STIMATE: variants seen among roughly 807,000 people sequenced by gnomAD.
STIMATE encodes the protein STIM activating enhancer, also known as store-operated calcium entry regulator STIMATE.
STIMATE carries 15 observed loss-of-function variants against 36.7 expected under a neutral mutation model. The observed-to-expected ratio is 0.41, with a 90% confidence interval of 0.27 to 0.63. The LOEUF is 0.63. Ranked by LOEUF, STIMATE falls within the 20% of genes least tolerant of loss-of-function variation. The pLI is 0.32. For missense variants in STIMATE, 305 were observed against 397.3 expected, an observed-to-expected ratio of 0.77 and a Z score of 1.98; for synonymous variants, 163 against 162.3, an observed-to-expected ratio of 1.00 and a Z score of -0.03.
intron 4 of STIMATE, among the ~76,000 whole-genome samples, chr3:52,846,752 C>G (rs1211321735): frequency 6.6e-6 from 1 of 152,176 alleles, no homozygotes; most frequent in African/African-American, 2.4e-5. Context: ...CTCTGGGAAC[C>G]CAGATCTCAC....
At chr3:52,859,576 C>T (rs1169023721) in intron 1 of STIMATE, among the ~76,000 whole-genome samples, 5 of 118,396 alleles carry the variant, frequency 4.2e-5, no homozygotes, top group Admixed American at 1.1e-4. Flanking sequence ...GGTATGTACC[C>T]GTAGTCCCAG....
intron 1 of STIMATE, among the ~76,000 whole-genome samples, chr3:52,889,631 C>G (rs1240849506): frequency 6.6e-6 from 1 of 152,162 alleles, no homozygotes; most frequent in Non-Finnish European, 1.5e-5. Flanking sequence ...AATGCCCAAG[C>G]CTGGGTGAGC....
chr3:52,847,687 T>C (rs1047961412), intron 4 of STIMATE: 5 of 574,466 alleles, frequency 8.7e-6, no homozygotes, highest in Admixed American at 2.7e-5. Context: ...CCCACACAGT[T>C]GCCTACATCC....
At chr3:52,875,338 T>C (rs1701485002) in intron 1 of STIMATE, among the ~76,000 whole-genome samples, 1 of 152,214 alleles carries the variant, frequency 6.6e-6, no homozygotes, top group Non-Finnish European at 1.5e-5. Flanking sequence ...CCGTGGAGTC[T>C]GCATTTCTCA....
At chr3:52,890,098 C>T (rs544458471) in intron 1 of STIMATE, among the ~76,000 whole-genome samples, 2 of 152,152 alleles carry the variant, frequency 1.3e-5, no homozygotes, top group African/African-American at 4.8e-5. Context: ...TTCCTCGAGT[C>T]CCCAGGCGGA....
At chr3:52,886,746 T>G (rs1447703959) in intron 1 of STIMATE, among the ~76,000 whole-genome samples, 1 of 152,182 alleles carries the variant, frequency 6.6e-6, no homozygotes. Context: ...AACTTCACAG[T>G]GAGAGAGCTG....
intron 5 of STIMATE, among the ~76,000 whole-genome samples, chr3:52,844,503 T>C (rs1700860105): frequency 1.3e-5 from 2 of 152,136 alleles, no homozygotes; most frequent in Non-Finnish European, 2.9e-5. Context: ...CCAAGAGAGG[T>C]GTGTGACAGG....
At chr3:52,885,966 A>G (rs904333876) in intron 1 of STIMATE, among the ~76,000 whole-genome samples, 8 of 152,158 alleles carry the variant, frequency 5.3e-5, no homozygotes, top group African/African-American at 7.2e-5. Flanking sequence ...GGCAAGTTCT[A>G]TATCTGTTAC....
At position 52,847,569 on chromosome 3, in the gene STIMATE, A is replaced by G. The variant is rs1159992434; in HGVS notation, c.427+2223T>C. ...CTTCTCTTCTAGGAACAAAAGACAC[A>G]TCCTAGAAAAATAAGCCCCTCTTCT... is the stretch of plus-strand genomic sequence containing the variant. On this transcript the variant is annotated intron_variant, in intron 4 of 7. Transcript: ENST00000355083. The G allele has an allele frequency of 7.0e-6, 9 of 1,288,684 alleles. No individual in the cohort carries two copies. The Admixed American group carries it at 2.1e-4, about 30-fold the overall frequency. 79.8% of individuals were successfully genotyped at this position (1,288,684 alleles called of 1,614,324 possible).
chr3:52,860,774 T>C (rs1445238868), intron 1 of STIMATE, among the ~76,000 whole-genome samples: 1 of 152,102 alleles, frequency 6.6e-6, no homozygotes, highest in Non-Finnish European at 1.5e-5. Context: ...CTGCTGACAG[T>C]GGACGTGGGG....
At chr3:52,848,974 T>C (rs773555474) in intron 4 of STIMATE, among the ~76,000 whole-genome samples, 5 of 152,236 alleles carry the variant, frequency 3.3e-5, no homozygotes, top group Non-Finnish European at 7.3e-5. Context: ...GCCAGCTCCA[T>C]GAATTGGCTC....
rs1272548871 is a variant in STIMATE at position 52,855,330 on chromosome 3, C to T, written c.209+66G>A. ...TCCCCACTCCAACACCATACCCCAC[C>T]CCCAGCCCCAAGACCCCCAACATAG... On this transcript the variant is annotated intron_variant, in intron 2 of 7. Transcript: ENST00000355083. 5.8e-6 allele frequency: 9 copies of T among 1,562,398 alleles called. No homozygotes were observed. The African/African-American group carries it at 9.5e-5, about 17-fold the overall frequency.
rs71087029 is a variant in STIMATE at position 52,887,994 on chromosome 3, GTT to G, written c.160+9295_160+9296del. 1.9e-3 allele frequency among the ~76,000 whole-genome samples: 100 copies of G among 52,696 alleles called. 1 individual carries two copies. The highest frequency in any genetic ancestry group is 4.6e-3 in the African/African-American group (66 of 14,284). 34.6% of individuals were successfully genotyped at this position (52,696 alleles called of 152,430 possible). A position where few individuals can be genotyped will look rare whatever the true frequency, so the allele number is the denominator to read the frequency against. On this transcript the variant is annotated intron_variant, in intron 1 of 7. Coordinates refer to ENST00000355083, the MANE Select transcript of STIMATE (RefSeq NM_198563.5). ...GCTCTAACTTCATATAACAGAATCA[GTT>G]TTTTTTTTTTTTTTTTTTTTTTTTT...
At chr3:52,851,283 A>C (rs1310302404) in intron 3 of STIMATE, among the ~76,000 whole-genome samples, 1 of 152,234 alleles carries the variant, frequency 6.6e-6, no homozygotes, top group Non-Finnish European at 1.5e-5. Flanking sequence ...AGTGGGAGAC[A>C]AGGGCACTGG....
intron 2 of STIMATE, among the ~76,000 whole-genome samples, chr3:52,854,811 T>G (rs565661450): frequency 6.6e-6 from 1 of 152,184 alleles, no homozygotes; most frequent in Non-Finnish European, 1.5e-5. Flanking sequence ...CTGTTCTAAC[T>G]CCAGGTAGTT....
intron 1 of STIMATE, among the ~76,000 whole-genome samples, chr3:52,877,100 A>G (rs147260746): frequency 1.9e-4 from 29 of 152,378 alleles, no homozygotes; most frequent in Non-Finnish European, 4.3e-4. Flanking sequence ...GGCTGAGTCC[A>G]TAACAGGTCT....
At chr3:52,877,140 C>T (rs1384453880) in intron 1 of STIMATE, among the ~76,000 whole-genome samples, 1 of 152,264 alleles carries the variant, frequency 6.6e-6, no homozygotes, top group East Asian at 1.9e-4. Flanking sequence ...GTGGCTGCTT[C>T]TGCCATCACT....
At chr3:52,879,597 T>A (rs1701568126) in intron 1 of STIMATE, among the ~76,000 whole-genome samples, 2 of 152,180 alleles carry the variant, frequency 1.3e-5, no homozygotes, top group Admixed American at 6.5e-5. Flanking sequence ...ACCGGCTGCG[T>A]GAGGAAAGGG....
chr3:52,855,527 A>G, intron 1 of STIMATE, 83 bp from the exon 2 acceptor site: 1 of 1,590,934 alleles, frequency 6.3e-7, no homozygotes, highest in Non-Finnish European at 8.6e-7. Context: ...TTATCAGTCT[A>G]CTCACTGTGT....
Sources: gnomAD v4.1 joint callset for allele counts (sites outside exome capture counted in the v4.1 genomes callset) on GRCh38, gnomAD v4.1.1 for gene constraint, MANE v1.5 for transcripts, NCBI Gene and HGNC (gene_info 2026-07-23, HGNC 2026-07-21) for gene names.